DLGAP2: variants seen among roughly 807,000 people sequenced by gnomAD.
DLGAP2 encodes DLG associated protein 2.
Under a neutral mutation model 100.3 loss-of-function variants are expected in DLGAP2, and 26 were observed. That is an observed-to-expected ratio of 0.26 (90% confidence interval 0.19 to 0.36). DLGAP2 has a LOEUF of 0.36. Among genes scored for constraint, DLGAP2 ranks in the 10% least tolerant of loss-of-function variants. The probability of loss-of-function intolerance (pLI) is 1.00; values close to 1 mark genes in which losing one functional copy is unlikely to be tolerated. For missense variants in DLGAP2, 1,858 were observed against 1,453.2 expected (o/e 1.28, Z -4.53); for synonymous variants, 886 against 630.1 (o/e 1.41, Z -6.08).
At chr8:1,250,592 A>C (rs1180752683) in intron 2 of DLGAP2, 2 of 152,166 alleles carry the variant, frequency 1.3e-5, no homozygotes, top group African/African-American at 4.8e-5. Context: ...TCGGTCCAGA[A>C]GCAATAGCTT....
At chr8:855,126 G>A (rs1797252651) in intron 1 of DLGAP2, among the ~76,000 whole-genome samples, 1 of 152,202 alleles carries the variant, frequency 6.6e-6, no homozygotes, top group Non-Finnish European at 1.5e-5. Flanking sequence ...GTTGCTGTGT[G>A]CAGCGTCTTC....
At chr8:1,325,587 AG>A (rs991715746) in intron 3 of DLGAP2, among the ~76,000 whole-genome samples, 15 of 152,222 alleles carry the variant, frequency 9.9e-5, no homozygotes, top group African/African-American at 1.7e-4. Context: ...GGGATGCAAA[AG>A]GGATCTCCCC....
chr8:1,620,959 A>G (rs1797314129), intron 6 of DLGAP2, among the ~76,000 whole-genome samples: 1 of 152,110 alleles, frequency 6.6e-6, no homozygotes, highest in African/African-American at 2.4e-5. Flanking sequence ...TGCTCTCCAG[A>G]CAAACAATGC....
At chr8:1,664,686 C>T (rs527455477) in intron 8 of DLGAP2, among the ~76,000 whole-genome samples, 39 of 152,318 alleles carry the variant, frequency 2.6e-4, no homozygotes, top group African/African-American at 8.2e-4. Flanking sequence ...TCGACCTGGA[C>T]ATTCAGTTCA....
At chr8:778,569 G>A (rs574825468) in intron 1 of DLGAP2, among the ~76,000 whole-genome samples, 3 of 152,304 alleles carry the variant, frequency 2.0e-5, no homozygotes, top group East Asian at 3.9e-4. Context: ...CTAACGGACA[G>A]GACCCTCAGC....
chr8:964,912 C>T (rs1484535077), intron 2 of DLGAP2, among the ~76,000 whole-genome samples: 3 of 152,128 alleles, frequency 2.0e-5, no homozygotes, highest in Non-Finnish European at 2.9e-5. Context: ...TCGCTGAGCC[C>T]GACTTCCACG....
chr8:1,257,384 T>C (rs1005622107), intron 2 of DLGAP2, among the ~76,000 whole-genome samples: 7 of 152,054 alleles, frequency 4.6e-5, no homozygotes, highest in African/African-American at 1.4e-4. Context: ...CCCTTTTTAA[T>C]GTTCCGCTCC....
chr8:745,097 G>A (rs1347378856), intron 1 of DLGAP2, among the ~76,000 whole-genome samples: 1 of 152,192 alleles, frequency 6.6e-6, no homozygotes, highest in Non-Finnish European at 1.5e-5. Flanking sequence ...CCCTTCTCCC[G>A]CTGCTTCCGA....
chr8:817,666 G>A (rs955415896), intron 1 of DLGAP2, among the ~76,000 whole-genome samples: 3 of 152,186 alleles, frequency 2.0e-5, no homozygotes, highest in Non-Finnish European at 4.4e-5. Flanking sequence ...CTACCTTGAT[G>A]TGGTGTTCTC....
intron 3 of DLGAP2, among the ~76,000 whole-genome samples, chr8:1,480,029 T>A (rs1799045350): frequency 6.6e-6 from 1 of 152,090 alleles, no homozygotes; most frequent in Admixed American, 6.5e-5. Context: ...GTAAGACAGG[T>A]GCAATTAGTA....
chr8:1,602,524 C>T (rs1026249549), intron 6 of DLGAP2, among the ~76,000 whole-genome samples: 27 of 152,208 alleles, frequency 1.8e-4, no homozygotes, highest in African/African-American at 6.0e-4. Context: ...CCACGGAGGC[C>T]GGGCCAGGCC....
intron 1 of DLGAP2, among the ~76,000 whole-genome samples, chr8:805,548 A>G (rs1292926032): frequency 6.6e-6 from 1 of 152,166 alleles, no homozygotes; most frequent in African/African-American, 2.4e-5. Flanking sequence ...CCCTTGTGTC[A>G]GTTGTTTTGA....
chr8:1,606,693 T>C (rs1352939085), intron 6 of DLGAP2, among the ~76,000 whole-genome samples: 1 of 152,216 alleles, frequency 6.6e-6, no homozygotes, highest in East Asian at 1.9e-4. Flanking sequence ...TTATTCTGTT[T>C]GTTTTCTGAG....
At chr8:801,610 C>T (rs188641998) in intron 1 of DLGAP2, among the ~76,000 whole-genome samples, 276 of 152,208 alleles carry the variant, frequency 1.8e-3, no homozygotes, top group African/African-American at 6.5e-3. Context: ...TTGTGGGGCT[C>T]GCTGGACGGT....
intron 4 of DLGAP2, among the ~76,000 whole-genome samples, chr8:1,534,623 A>G (rs1010098709): frequency 4.6e-5 from 7 of 152,200 alleles, no homozygotes; most frequent in African/African-American, 1.7e-4. Context: ...TAGAACTTTG[A>G]TATATGTGGA....
chr8:1,323,549 G>C (rs942736651), intron 3 of DLGAP2, among the ~76,000 whole-genome samples: 1 of 152,196 alleles, frequency 6.6e-6, no homozygotes, highest in Non-Finnish European at 1.5e-5. Flanking sequence ...GGAAGCAATG[G>C]CTCCTGCTGA....
chr8:1,221,729 T>C (rs1392165832), intron 2 of DLGAP2, among the ~76,000 whole-genome samples: 1 of 152,214 alleles, frequency 6.6e-6, no homozygotes, highest in African/African-American at 2.4e-5. Flanking sequence ...CTTTCAGCAA[T>C]GTTAGCGAGT....
chr8:1,344,213 G>GT (rs1801502384), intron 3 of DLGAP2, among the ~76,000 whole-genome samples: 1 of 152,264 alleles, frequency 6.6e-6, no homozygotes, highest in Non-Finnish European at 1.5e-5. Flanking sequence ...CCTGTCGTGG[G>GT]GCCTGTGCCG....
chr8:1,178,904 A>G lies in DLGAP2; in HGVS notation c.74-79947A>G, dbSNP rs116629759. Among the ~76,000 whole-genome samples the G allele has an allele frequency of 8.0e-3, 1,223 of 152,148 alleles. 23 individuals are homozygous for G. The highest frequency in any genetic ancestry group is 0.039 in the South Asian group (189 of 4,814). ...GTTAGGAGCCCCCCTGCCCCACACC[A>G]TTGCCCCTTCAGCCTGGGCACACCG... On this transcript the variant is annotated intron_variant, in intron 2 of 14. Transcript: ENST00000637795.
Sources: gnomAD v4.1 joint callset for allele counts (sites outside exome capture counted in the v4.1 genomes callset) on GRCh38, gnomAD v4.1.1 for gene constraint, MANE v1.5 for transcripts, NCBI Gene and HGNC (gene_info 2026-07-23, HGNC 2026-07-21) for gene names.